Variants in DYNC1I1 observed in about 807,000 individuals in gnomAD.
DYNC1I1 encodes the protein dynein cytoplasmic 1 intermediate chain 1, also known as cytoplasmic dynein 1 intermediate chain 1.
A neutral mutation model predicts 86.6 loss-of-function variants in DYNC1I1; 43 were observed. The observed-to-expected ratio is 0.50, with a 90% CI of 0.39 to 0.64. DYNC1I1 has a LOEUF of 0.64. Among genes scored for constraint, DYNC1I1 ranks in the 30% least tolerant of loss-of-function variants. The pLI is 0.00. For synonymous variants in DYNC1I1, 262 were observed against 283.7 expected, an observed-to-expected ratio of 0.92 and a Z score of 0.77; for missense variants, 604 against 788.8, an observed-to-expected ratio of 0.77 and a Z score of 2.81.
chr7:95,926,916 T>TAC, intron 6 of DYNC1I1, among the ~76,000 whole-genome samples: 1 of 152,354 alleles, frequency 6.6e-6, no homozygotes, highest in South Asian at 2.1e-4. Context: ...AGCAGATAGA[T>TAC]ACAGAGTGTG....
chr7:95,965,196 G>T (rs1792977095), intron 6 of DYNC1I1, among the ~76,000 whole-genome samples: 1 of 152,222 alleles, frequency 6.6e-6, no homozygotes, highest in Admixed American at 6.5e-5. Flanking sequence ...CAGTTTGACA[G>T]GATACAGCTA....
chr7:95,970,343 A>G (rs1584211608), intron 6 of DYNC1I1, among the ~76,000 whole-genome samples: 2 of 152,266 alleles, frequency 1.3e-5, no homozygotes, highest in African/African-American at 4.8e-5. Context: ...CGTTGCTGCC[A>G]TATCCTTAAA....
chr7:95,996,143 T>C, intron 10 of DYNC1I1, 70 bp downstream of exon 10: 1 of 1,601,898 alleles, frequency 6.2e-7, no homozygotes, highest in Non-Finnish European at 8.5e-7. Flanking sequence ...CTGCATTGCA[T>C]CTGTCTTATG....
intron 10 of DYNC1I1, among the ~76,000 whole-genome samples, chr7:96,019,354 G>T (rs1269461185): frequency 6.7e-6 from 1 of 149,954 alleles, no homozygotes; most frequent in Admixed American, 6.6e-5. Flanking sequence ...ACCAATGTGG[G>T]TTTTTAATGA....
chr7:95,864,931 T>C (rs1789978962), intron 5 of DYNC1I1, among the ~76,000 whole-genome samples: 1 of 151,996 alleles, frequency 6.6e-6, no homozygotes, highest in Non-Finnish European at 1.5e-5. Context: ...AAGCCAGTGA[T>C]ACTCAACCTT....
intron 6 of DYNC1I1, among the ~76,000 whole-genome samples, chr7:95,929,368 G>A (rs1476869389): frequency 6.6e-6 from 1 of 152,074 alleles, no homozygotes; most frequent in African/African-American, 2.4e-5. Flanking sequence ...TATGTTTTAT[G>A]TAACCTTATT....
At chr7:96,050,038 C>G (rs80108298) in intron 14 of DYNC1I1, among the ~76,000 whole-genome samples, 18 of 139,026 alleles carry the variant, frequency 1.3e-4, no homozygotes, top group African/African-American at 4.7e-4. Context: ...AACAAACAAA[C>G]AAAAAAAAAA....
chr7:96,053,231 T>C (rs1295774533), intron 14 of DYNC1I1, among the ~76,000 whole-genome samples: 6 of 152,216 alleles, frequency 3.9e-5, no homozygotes, highest in African/African-American at 1.4e-4. Context: ...ATAATAATTG[T>C]AGCTGCATTT....
intron 6 of DYNC1I1, among the ~76,000 whole-genome samples, chr7:95,921,658 C>T (rs566069665): frequency 7.2e-5 from 11 of 152,210 alleles, no homozygotes; most frequent in Admixed American, 2.0e-4. Flanking sequence ...AATGAAATCC[C>T]GGGAGTCAAA....
Position 96,097,870 on chromosome 7 carries a change from A to G in DYNC1I1, c.*277A>G. 8.7e-7 allele frequency: 1 copy of G among 1,143,870 alleles called. No individual in the cohort carries two copies. The highest frequency in any genetic ancestry group is 2.9e-5 in the South Asian group (1 of 34,264). The allele number at this position is 1,143,870 out of a possible 1,614,324, so 70.9% of individuals were successfully genotyped here. A position where few individuals can be genotyped will look rare whatever the true frequency, so the allele number is the denominator to read the frequency against. On this transcript the variant is annotated 3_prime_UTR_variant, in exon 17 of 17. Coordinates refer to ENST00000447467, the MANE Select transcript of DYNC1I1 (RefSeq NM_001135556.2). ...AGTTGCTGCCTTTTAACTACTTTGT[A>G]GCTGTATTTAATAGCTGGAAACCTC...
At position 96,108,201 on chromosome 7, in the gene DYNC1I1, C is replaced by A. The variant is rs561808911; in HGVS notation, c.1543-1778C>A. ...CTTTTCTGAGTTCAATTTAAATAAT[C>A]ATGATTTTCTTTTTAATTAGTGTAA... On this transcript the variant is annotated intron_variant, in intron 16 of 16. Transcript: ENST00000537881. Among the ~76,000 whole-genome samples the A allele has an allele frequency of 8.5e-5, 13 of 152,066 alleles. No individual in the cohort carries two copies. In the South Asian group the frequency reaches 2.7e-3, roughly 32 times the overall value.
At position 95,798,328 on chromosome 7, in the gene DYNC1I1, C is replaced by T. The variant is rs142758584; in HGVS notation, c.-9-6393C>T. 7.8e-3 allele frequency among the ~76,000 whole-genome samples: 1,185 copies of T among 151,958 alleles called. 43 individuals carry two copies. Among genetic ancestry groups the T allele is most frequent in the Admixed American group, 0.07 (1,069 of 15,250 alleles). On this transcript the variant is annotated intron_variant, in intron 1 of 16. Transcript: ENST00000447467. Reference sequence around the variant, plus strand: ...AACTCCCTCCTGAGATGTCTATCACCCTCTTTTTTTTTGACTGAGCTATAG... The same window carrying T: ...AACTCCCTCCTGAGATGTCTATCACTCTCTTTTTTTTTGACTGAGCTATAG...
Position 95,780,219 on chromosome 7 carries a change from G to T in DYNC1I1, c.-10+7446G>T, listed in dbSNP as rs187558503. Among the ~76,000 whole-genome samples the T allele has an allele frequency of 1.3e-4, 20 of 151,986 alleles. No homozygotes were observed. In the East Asian group the frequency reaches 3.7e-3, roughly 28 times the overall value. On this transcript the variant is annotated intron_variant, in intron 1 of 16. Coordinates refer to ENST00000447467, the MANE Select transcript of DYNC1I1 (RefSeq NM_001135556.2). ...TATTCATTCATTCTAATGAATAAAT[G>T]ATGACACAATGTTATACATCCTTTG... is the stretch of plus-strand genomic sequence containing the variant.
chr7:95,855,255 G>T (rs1789688426), intron 5 of DYNC1I1, among the ~76,000 whole-genome samples: 1 of 151,958 alleles, frequency 6.6e-6, no homozygotes, highest in African/African-American at 2.4e-5. Flanking sequence ...TTCATACTTT[G>T]AATATATCAA....
chr7:95,800,343 G>T (rs1794547614), intron 1 of DYNC1I1, among the ~76,000 whole-genome samples: 1 of 152,038 alleles, frequency 6.6e-6, no homozygotes, highest in Non-Finnish European at 1.5e-5. Flanking sequence ...AAGACAAGGG[G>T]TGAAATGGGG....
At chr7:95,939,876 G>C (rs201511069) in intron 6 of DYNC1I1, among the ~76,000 whole-genome samples, 4 of 152,094 alleles carry the variant, frequency 2.6e-5, no homozygotes, top group Non-Finnish European at 4.4e-5. Flanking sequence ...TTAGTTGATG[G>C]AGTTTCTTCC....
intron 16 of DYNC1I1, among the ~76,000 whole-genome samples, chr7:96,088,152 G>A (rs1790739516): frequency 6.6e-6 from 1 of 152,046 alleles, no homozygotes. Flanking sequence ...TATTCAGGTA[G>A]CATTAGTATA....
chr7:95,967,698 G>A (rs1793051774), intron 6 of DYNC1I1, among the ~76,000 whole-genome samples: 1 of 152,130 alleles, frequency 6.6e-6, no homozygotes, highest in Non-Finnish European at 1.5e-5. Context: ...GCTCCATGAG[G>A]GCAGGAATTT....
chr7:95,871,141 T>C (rs1562928935), intron 6 of DYNC1I1, among the ~76,000 whole-genome samples: 1 of 152,240 alleles, frequency 6.6e-6, no homozygotes, highest in Non-Finnish European at 1.5e-5. Context: ...ATCAGATTCC[T>C]TGAAGTCCGG....
Sources: allele counts gnomAD v4.1 joint callset (sites outside exome capture counted in the v4.1 genomes callset), GRCh38; gene constraint gnomAD v4.1.1; transcripts MANE v1.5; gene names NCBI Gene and HGNC (gene_info 2026-07-23, HGNC 2026-07-21).